Variants in ARL13A observed in about 807,000 individuals in gnomAD.
ARL13A encodes ADP-ribosylation factor-like protein 13A.
Under a neutral mutation model 19.1 loss-of-function variants are expected in ARL13A, and 16 were observed. The ratio of observed to expected loss-of-function variants is 0.84; its 90% CI spans 0.57 to 1.27. ARL13A has a LOEUF of 1.27. Among genes scored for constraint, ARL13A ranks in the 50% most tolerant of loss-of-function variants. The pLI, the probability that ARL13A is intolerant of heterozygous loss-of-function variation, is 0.00. For missense variants in ARL13A, 153 were observed against 186.4 expected (o/e 0.82, Z 1.04); for synonymous variants, 69 against 71.3 (o/e 0.97, Z 0.17).
At chrX:100,975,007 TCATCTC>T (rs1454817852) in intron 3 of ARL13A, among the ~76,000 whole-genome samples, 1 of 111,918 alleles carries the variant, frequency 8.9e-6, no homozygotes, top group Non-Finnish European at 1.9e-5. Flanking sequence ...GCTGATCTTG[TCATCTC>T]CATTTGTCCC....
intron 7 of ARL13A, among the ~76,000 whole-genome samples, chrX:100,989,608 CA>C (rs200862950): frequency 3.2e-3 from 181 of 57,249 alleles, no homozygotes; most frequent in East Asian, 8.3e-3. Context: ...GACTCCATCT[CA>C]AAAAAAAAAA....
chrX:100,970,712 A>G (rs771624375), intron 1 of ARL13A, among the ~76,000 whole-genome samples: 1 of 111,877 alleles, frequency 8.9e-6, no homozygotes, highest in South Asian at 3.8e-4. Context: ...GGTTGAAAAA[A>G]AAAAAGCCTG....
rs768791811 is a variant in ARL13A, at chrX:100,985,587, C to T, written c.131-80C>T. ...AGCAGGATAGACAACTGCATGAAAT[C>T]GGAACCGACTCTACTCCTGTTAGAT... On this transcript the variant is annotated intron_variant, in intron 3 of 7. Coordinates refer to ENST00000450049, the MANE Select transcript of ARL13A (RefSeq NM_001162491.2). The T allele has an allele frequency of 1.1e-4, 118 of 1,102,457 alleles. 1 individual carries two copies. In the South Asian group the frequency reaches 2.4e-3, roughly 22 times the overall value. The allele number at this position is 1,102,457 out of a possible 1,213,427, so 90.9% of individuals were successfully genotyped here.
At chrX:100,989,535 A>G (rs1260690056) in intron 7 of ARL13A, among the ~76,000 whole-genome samples, 2 of 108,104 alleles carry the variant, frequency 1.9e-5, no homozygotes, top group African/African-American at 3.4e-5. Flanking sequence ...GCTTGAACCC[A>G]GGAGGCGGAG....
At chrX:100,973,535 AG>A in intron 1 of ARL13A, 140 bp from the exon 2 acceptor site, 1 of 938,575 alleles carries the variant, frequency 1.1e-6, no homozygotes, top group East Asian at 3.4e-5. Flanking sequence ...TTATAGACAC[AG>A]TTGGATAGAA....
At chrX:100,980,888 C>T (rs1430082857) in intron 3 of ARL13A, among the ~76,000 whole-genome samples, 2 of 111,753 alleles carry the variant, frequency 1.8e-5, no homozygotes, top group Non-Finnish European at 1.9e-5. Context: ...GAAATGTCAT[C>T]GGGGAGCCAT....
chrX:100,986,242 G>A (rs774855854), intron 4 of ARL13A, among the ~76,000 whole-genome samples: 1 of 111,701 alleles, frequency 9.0e-6, no homozygotes, highest in African/African-American at 3.2e-5. Flanking sequence ...ATCTTTTCTG[G>A]TTTCGGTCTC....
intron 4 of ARL13A, among the ~76,000 whole-genome samples, 183 bp downstream of exon 4, chrX:100,986,099 T>G (rs2147974722): frequency 9.0e-6 from 1 of 111,283 alleles, no homozygotes; most frequent in Non-Finnish European, 1.9e-5. Flanking sequence ...TACCACACAC[T>G]GCCATGGGGG....
At chrX:100,972,313 G>A in intron 1 of ARL13A, among the ~76,000 whole-genome samples, 1 of 102,533 alleles carries the variant, frequency 9.8e-6, no homozygotes, top group African/African-American at 3.5e-5. Context: ...GGGCCGGGCA[G>A]AGGCGCCCCT....
Position 100,977,369 on chromosome X carries a change from C to CTTTTTTTTTTT in ARL13A, c.130+3191_130+3201dup, listed in dbSNP as rs59915769. On this transcript the variant is annotated intron_variant, in intron 3 of 7. Coordinates refer to ENST00000450049, the MANE Select transcript of ARL13A (RefSeq NM_001162491.2). ...GTAGTAATTATCCTTCTACTCTCTT[C>CTTTTTTTTTTT]TTTTTTTTTTTTTTTTTTTTTTTTT... Among the ~76,000 whole-genome samples, 9 of 56,455 alleles carry CTTTTTTTTTTT rather than the reference C, an allele frequency of 1.6e-4. 1 individual carries two copies. Among genetic ancestry groups the CTTTTTTTTTTT allele is most frequent in the African/African-American group, 6.4e-4 (9 of 13,962 alleles). The allele number at this position is 56,455 out of a possible 115,157, so 49.0% of individuals were successfully genotyped here.
At position 100,972,536 on chromosome X, in the gene ARL13A, A is replaced by G. The variant is rs1417666350; in HGVS notation, c.-14-1140A>G. On this transcript the variant is annotated intron_variant, in intron 1 of 7. Coordinates refer to ENST00000450049, the MANE Select transcript of ARL13A (RefSeq NM_001162491.2). ...GACGGGGCGGCTGGCCGGGCGGGGG[A>G]CTGACACCCCCACCTCCCTCCCGGA... 4.2e-4 allele frequency among the ~76,000 whole-genome samples: 21 copies of G among 50,038 alleles called. No individual in the cohort carries two copies. In the South Asian group the frequency reaches 4.2e-3, roughly 10 times the overall value. 43.5% of individuals were successfully genotyped at this position (50,038 alleles called of 115,157 possible).
chrX:100,983,773 CAGAAG>C (rs1349484857), intron 3 of ARL13A, among the ~76,000 whole-genome samples: 1 of 111,564 alleles, frequency 9.0e-6, no homozygotes, highest in African/African-American at 3.3e-5. Context: ...AACATGAAAT[CAGAAG>C]AGATGTTATG....
chrX:100,973,426 G>C (rs2085710283), intron 1 of ARL13A, among the ~76,000 whole-genome samples: 1 of 105,692 alleles, frequency 9.5e-6, no homozygotes, highest in Non-Finnish European at 2.0e-5. Context: ...CCTCCCGGGC[G>C]GCGCTCGCCG....
intron 7 of ARL13A, chrX:100,988,535 A>G (rs370322249): frequency 9.0e-7 from 1 of 1,105,592 alleles, no homozygotes; most frequent in Non-Finnish European, 1.2e-6. Context: ...CCAGCTCCAT[A>G]TGCTGATGAC....
chrX:100,979,699 T>C lies in ARL13A; in HGVS notation c.130+5502T>C, dbSNP rs185776663. ...AGTGTCTGGGCATTGAAGAGTTAGGTATTTATGCAGGCTGGGGTTGTTTTT... is the reference window on the plus strand; with the variant it reads ...AGTGTCTGGGCATTGAAGAGTTAGGCATTTATGCAGGCTGGGGTTGTTTTT... On this transcript the variant is annotated intron_variant, in intron 3 of 7. Transcript: ENST00000450049. 1.4e-4 allele frequency among the ~76,000 whole-genome samples: 16 copies of C among 111,528 alleles called. No individual in the cohort carries two copies. In the East Asian group the frequency reaches 3.7e-3, roughly 26 times the overall value.
chrX:100,990,507 A>G (rs754300265), intron 7 of ARL13A, 55 bp from the exon 8 acceptor site: 57 of 1,077,492 alleles, frequency 5.3e-5, no homozygotes, highest in Non-Finnish European at 6.6e-5. Flanking sequence ...AACTCCACCT[A>G]CTCTAATATC....
chrX:100,987,934 A>G (rs1038853080), intron 6 of ARL13A, among the ~76,000 whole-genome samples: 6 of 112,044 alleles, frequency 5.4e-5, no homozygotes, highest in Non-Finnish European at 9.4e-5. Context: ...CCTACTCAAT[A>G]TTCTCAGCCT....
chrX:100,988,040 T>A (rs1431350346), intron 6 of ARL13A, among the ~76,000 whole-genome samples, 153 bp from the exon 7 acceptor site: 8 of 110,718 alleles, frequency 7.2e-5, no homozygotes, highest in Non-Finnish European at 1.9e-5. Context: ...GTGATCAGAG[T>A]TTTGAGGAGC....
In ARL13A at chrX:100,985,912, T is replaced by G; in HGVS notation, c.376T>G (p.Leu126Val). ...SDKRVAGKPI[L>V]ILANKQDKKK... Reference sequence around the variant, plus strand: ...TAAAAGAGTGGCAGGGAAACCCATCTTAATGTAAGATTCTGCCTTTCTGTC... The same window carrying G: ...TAAAAGAGTGGCAGGGAAACCCATCGTAATGTAAGATTCTGCCTTTCTGTC... The change falls in exon 4 of 8, where the codon TTA (leucine) becomes GTA (valine). Residue 126 changes from leucine (L) to valine (V), a missense_variant. Coordinates refer to ENST00000450049, the MANE Select transcript of ARL13A (RefSeq NM_001162491.2). The G allele has an allele frequency of 2.5e-6, 3 of 1,204,518 alleles. No homozygotes were observed. Among genetic ancestry groups the G allele is most frequent in the Non-Finnish European group, 3.4e-6 (3 of 891,561 alleles).
Sources: gnomAD v4.1 joint callset for allele counts (sites outside exome capture counted in the v4.1 genomes callset) on GRCh38, gnomAD v4.1.1 for gene constraint, MANE v1.5 for transcripts, NCBI Gene and HGNC (gene_info 2026-07-23, HGNC 2026-07-21) for gene names.